The following CNIH3 variants were observed in gnomAD, a reference collection of about 807,000 sequenced individuals.
The protein encoded by CNIH3 is cornichon family AMPA receptor auxiliary protein 3.
CNIH3 carries 14 observed loss-of-function variants against 24.1 expected under a neutral mutation model. That is an observed-to-expected ratio of 0.58 (90% confidence interval 0.38 to 0.91). CNIH3 has a LOEUF of 0.91. Ranked by LOEUF, CNIH3 falls within the 40% of genes least tolerant of loss-of-function variation. The probability of loss-of-function intolerance (pLI) is 0.00; values close to 1 mark genes in which losing one functional copy is unlikely to be tolerated. For missense variants in CNIH3, 178 were observed against 196.8 expected (o/e 0.90, Z 0.57); for synonymous variants, 68 against 73.8 (o/e 0.92, Z 0.40).
chr1:224,563,936 A>C (rs190248221), intron 3 of CNIH3, among the ~76,000 whole-genome samples: 42 of 152,320 alleles, frequency 2.8e-4, no homozygotes, highest in Non-Finnish European at 5.1e-4. Context: ...ACAACTCCAA[A>C]TATCTCCCCA....
In CNIH3 at chr1:224,468,316, G is replaced by T. The variant is rs1271907902; in HGVS notation, n.203+33454G>T. ...TTGAGTTTTCTAAGTCATAAACACA[G>T]TATTTCTATTTATTTAGGTCTTCTG... On this transcript the variant is annotated intron_variant and non_coding_transcript_variant, in intron 1 of 5. Transcript: ENST00000471578. Among the ~76,000 whole-genome samples the T allele has an allele frequency of 9.2e-5, 4 of 43,598 alleles. No individual in the cohort carries two copies. The Admixed American group carries it at 1.3e-3, about 15-fold the overall frequency. 28.6% of individuals were successfully genotyped at this position (43,598 alleles called of 152,430 possible).
chr1:224,638,306 A>C (rs931482509), intron 1 of CNIH3, among the ~76,000 whole-genome samples: 9 of 152,236 alleles, frequency 5.9e-5, no homozygotes, highest in African/African-American at 2.2e-4. Context: ...GAGATTCCCA[A>C]GGGACAAGGA....
At chr1:224,586,524 A>G (rs1373332957) in intron 5 of CNIH3, among the ~76,000 whole-genome samples, 3 of 152,170 alleles carry the variant, frequency 2.0e-5, no homozygotes, top group African/African-American at 7.2e-5. Flanking sequence ...GGGTGGGGAC[A>G]CAGCCAAACC....
chr1:224,554,582 T>TTTG (rs1192915520), intron 3 of CNIH3, among the ~76,000 whole-genome samples: 40 of 152,152 alleles, frequency 2.6e-4, no homozygotes, highest in Middle Eastern at 3.4e-3. Flanking sequence ...AGGTTTTTTT[T>TTTG]TTGTTGTTGT....
At chr1:224,696,485 G>A (rs956695619) in intron 3 of CNIH3, among the ~76,000 whole-genome samples, 7 of 152,308 alleles carry the variant, frequency 4.6e-5, no homozygotes, top group Admixed American at 1.3e-4. Flanking sequence ...GGTCAGCAGC[G>A]CAGCCTGTGC....
chr1:224,489,712 A>T (rs1677168164), intron 1 of CNIH3, among the ~76,000 whole-genome samples: 1 of 152,216 alleles, frequency 6.6e-6, no homozygotes, highest in South Asian at 2.1e-4. Context: ...GGGCTGCTGT[A>T]ACAAAACACC....
At chr1:224,635,619 T>C (rs1684052296) in intron 1 of CNIH3, among the ~76,000 whole-genome samples, 2 of 152,230 alleles carry the variant, frequency 1.3e-5, no homozygotes, top group African/African-American at 4.8e-5. Flanking sequence ...GCCTTGGACA[T>C]GAGCAGTCAG....
intron 3 of CNIH3, among the ~76,000 whole-genome samples, chr1:224,700,151 T>C (rs1687404503): frequency 2.0e-5 from 3 of 152,170 alleles, no homozygotes; most frequent in Admixed American, 1.3e-4. Context: ...CTCTCTCCCC[T>C]GTATGGAGGC....
intron 3 of CNIH3, among the ~76,000 whole-genome samples, chr1:224,610,613 G>A (rs1461337308): frequency 2.0e-5 from 3 of 152,148 alleles, no homozygotes; most frequent in Non-Finnish European, 4.4e-5. Context: ...CCCAGTCTCA[G>A]GTAGTATCTT....
intron 4 of CNIH3, chr1:224,575,071 G>A: frequency 1.2e-6 from 1 of 865,282 alleles, no homozygotes; most frequent in South Asian, 1.3e-5. Flanking sequence ...ACTGCCTACA[G>A]CTCCTTCAGC....
At chr1:224,466,417 C>T (rs1237818864) in intron 1 of CNIH3, among the ~76,000 whole-genome samples, 2 of 152,190 alleles carry the variant, frequency 1.3e-5, no homozygotes, top group Admixed American at 1.3e-4. Context: ...CCAGCCAAGG[C>T]CTAATTCTAT....
At chr1:224,475,456 A>C (rs1676550194) in intron 1 of CNIH3, among the ~76,000 whole-genome samples, 1 of 152,230 alleles carries the variant, frequency 6.6e-6, no homozygotes, top group Non-Finnish European at 1.5e-5. Flanking sequence ...GCTATGAGCA[A>C]TTATATGCTA....
At chr1:224,634,367 G>A (rs940784237) in intron 1 of CNIH3, among the ~76,000 whole-genome samples, 4 of 152,114 alleles carry the variant, frequency 2.6e-5, no homozygotes, top group Admixed American at 2.6e-4. Context: ...TCAGGTGTTC[G>A]AGATGAGCCT....
At chr1:224,545,277 C>T (rs1679659962) in intron 2 of CNIH3, among the ~76,000 whole-genome samples, 2 of 152,240 alleles carry the variant, frequency 1.3e-5, no homozygotes, top group Non-Finnish European at 2.9e-5. Context: ...CAATGAACGG[C>T]TTCAAACAGC....
intron 1 of CNIH3, among the ~76,000 whole-genome samples, chr1:224,465,975 C>T (rs965577878): frequency 1.3e-5 from 2 of 152,286 alleles, no homozygotes; most frequent in African/African-American, 4.8e-5. Context: ...TTGCAGTGAG[C>T]TGAGATCTCG....
intron 1 of CNIH3, among the ~76,000 whole-genome samples, chr1:224,660,025 T>A (rs912321915): frequency 6.6e-6 from 1 of 152,220 alleles, no homozygotes; most frequent in Non-Finnish European, 1.5e-5. Flanking sequence ...CTTTTTCACA[T>A]CTCTCTCCCC....
chr1:224,460,241 A>G (rs1014040470), intron 1 of CNIH3, among the ~76,000 whole-genome samples: 1 of 152,292 alleles, frequency 6.6e-6, no homozygotes, highest in Middle Eastern at 3.4e-3. Context: ...ACAATGAGGT[A>G]TAATTGATAT....
At chr1:224,546,810 C>A in intron 2 of CNIH3, 2 of 694,806 alleles carry the variant, frequency 2.9e-6, no homozygotes, top group Non-Finnish European at 1.8e-6. Context: ...AAGTCTGTAT[C>A]TCCCTCATTG....
At chr1:224,522,224 T>G (rs1678663774) in intron 2 of CNIH3, among the ~76,000 whole-genome samples, 1 of 151,860 alleles carries the variant, frequency 6.6e-6, no homozygotes, top group South Asian at 2.1e-4. Flanking sequence ...AAAAGAAAAA[T>G]GTGTCTTTGA....
Sources: gnomAD v4.1 joint callset for allele counts (sites outside exome capture counted in the v4.1 genomes callset) on GRCh38, gnomAD v4.1.1 for gene constraint, MANE v1.5 for transcripts, NCBI Gene and HGNC (gene_info 2026-07-23, HGNC 2026-07-21) for gene names.